The following HYAL1 variants were observed in gnomAD, a reference collection of about 807,000 sequenced individuals.
HYAL1 encodes hyaluronidase 1.
HYAL1 carries 21 observed loss-of-function variants against 28.8 expected under a neutral mutation model. The ratio of observed to expected loss-of-function variants is 0.73; its 90% CI spans 0.52 to 1.05. The LOEUF (loss-of-function observed/expected upper bound fraction) is 1.05, where lower values mean the gene tolerates loss of function less well. HYAL1 is among the 50% of genes least tolerant of loss of function. The pLI, the probability that HYAL1 is intolerant of heterozygous loss-of-function variation, is 0.00. For synonymous variants in HYAL1, 200 were observed against 230.1 expected, an observed-to-expected ratio of 0.87 and a Z score of 1.18; for missense variants, 491 against 579.2, an observed-to-expected ratio of 0.85 and a Z score of 1.56.
upstream of HYAL1, among the ~76,000 whole-genome samples, chr3:50,306,351 G>T (rs372324392): frequency 1.4e-5 from 2 of 146,982 alleles, no homozygotes; most frequent in South Asian, 2.1e-4. Flanking sequence ...GGGAAAATTA[G>T]TTTTTTTTTC....
intron 1 of HYAL1, among the ~76,000 whole-genome samples, chr3:50,310,002 A>C (rs1260973136): frequency 1.3e-5 from 2 of 151,490 alleles, no homozygotes; most frequent in Non-Finnish European, 2.9e-5. Context: ...GCCAAGTATA[A>C]TAAGCAAACA....
upstream of HYAL1, among the ~76,000 whole-genome samples, chr3:50,304,885 G>T (rs1702305269): frequency 6.6e-6 from 1 of 152,186 alleles, no homozygotes; most frequent in African/African-American, 2.4e-5. Context: ...CTGCTGTCTT[G>T]TGAGCATGAG....
In HYAL1 at chr3:50,311,908, C is replaced by CA. The variant is rs587655929; in HGVS notation, c.-310+355_-310+356insT. Among the ~76,000 whole-genome samples, 512 of 148,470 alleles carry CA rather than the reference C, an allele frequency of 3.4e-3. 22 individuals carry two copies. Among genetic ancestry groups the CA allele is most frequent in the African/African-American group, 0.012 (484 of 39,620 alleles). On this transcript the variant is annotated intron_variant, in intron 1 of 5. Transcript: ENST00000320295. ...CCGGGCGGGGGGCTGATCCCCCCTC[C>CA]CCTCACGGATGGGGTGGCTGGCCGG...
chr3:50,309,792 A>T (rs1702410752), intron 1 of HYAL1: 1 of 151,450 alleles, frequency 6.6e-6, no homozygotes, highest in Non-Finnish European at 1.5e-5. Flanking sequence ...TCAAAAAAAA[A>T]AGGATGTCAC....
chr3:50,311,868 G>A (rs587650402), intron 1 of HYAL1, among the ~76,000 whole-genome samples: 8 of 148,546 alleles, frequency 5.4e-5, no homozygotes, highest in East Asian at 4.2e-4. Flanking sequence ...CCTCCCTCCC[G>A]GACGGGGCGG....
chr3:50,300,899 A>C, intron 3 of HYAL1, 89 bp downstream of exon 3: 2 of 1,526,386 alleles, frequency 1.3e-6, no homozygotes, highest in Admixed American at 3.7e-5. Flanking sequence ...AGGACTTTGC[A>C]GGTAGAAAGG....
chr3:50,306,475 C>T (rs1702336724), upstream of HYAL1, among the ~76,000 whole-genome samples: 1 of 151,158 alleles, frequency 6.6e-6, no homozygotes, highest in Non-Finnish European at 1.5e-5. Context: ...TAGCATTTAA[C>T]AACCAGCTGG....
rs587647302 is a variant in HYAL1, at chr3:50,302,602, C to A, written c.355G>T (p.Ala119Ser). The A allele has an allele frequency of 3.7e-6, 6 of 1,614,042 alleles. No individual in the cohort carries two copies. Among genetic ancestry groups the A allele is most frequent in the African/African-American group, 1.3e-5 (1 of 74,928 alleles). Reference sequence around the variant, plus strand: ...ACTGCCAGCCCTGAGAAGTCAGGAGCAGGTATGGCAGCCAGGATGTCCTGG... The same window carrying A: ...ACTGCCAGCCCTGAGAAGTCAGGAGAAGGTATGGCAGCCAGGATGTCCTGG... ...TFQDILAAIP[A>S]PDFSGLAVID... Residue 119 changes from alanine to serine, a missense_variant, in exon 2 of 4, where the codon GCT (alanine) becomes TCT (serine). Ala to Ser is a moderately conservative substitution (Grantham distance 99, BLOSUM62 1). Coordinates refer to ENST00000395144, the MANE Select transcript of HYAL1 (RefSeq NM_033159.4). The surrounding 1 kb of genome is among the most constrained non-coding windows in gnomAD (Gnocchi z 5.0).
intron 2 of HYAL1, among the ~76,000 whole-genome samples, chr3:50,301,490 G>T (rs1232959348): frequency 2.0e-5 from 3 of 152,084 alleles, no homozygotes; most frequent in Non-Finnish European, 4.4e-5. Flanking sequence ...TTGATGGCAT[G>T]CCTGTAATCC....
chr3:50,305,175 C>A (rs1553713804), upstream of HYAL1, among the ~76,000 whole-genome samples: 1 of 152,208 alleles, frequency 6.6e-6, no homozygotes, highest in Admixed American at 6.5e-5. Flanking sequence ...GACCTGGAAG[C>A]CCCCAGTGGG....
chr3:50,302,055 A>C lies in HYAL1; in HGVS notation c.900+2T>G. 6.2e-7 allele frequency: 1 copy of C among 1,614,160 alleles called. No individual in the cohort carries two copies. The highest frequency in any genetic ancestry group is 8.5e-7 in the Non-Finnish European group (1 of 1,180,012). On this transcript the variant is annotated splice_donor_variant, in intron 2 of 3. Coordinates refer to ENST00000395144, the MANE Select transcript of HYAL1 (RefSeq NM_033159.4). LOFTEE classifies it high-confidence loss of function. This position sits in a 1 kb window ranked among gnomAD's most constrained non-coding sequence, Gnocchi z 5.0. ...AAGGTGGGCAGGTTACAGAAGACTC[A>C]CCAGGGGCAGAAAGTGGTTTGTCGT...
intron 1 of HYAL1, among the ~76,000 whole-genome samples, chr3:50,311,681 AC>A (rs1313392830): frequency 3.5e-5 from 4 of 113,768 alleles, no homozygotes; most frequent in African/African-American, 1.4e-4. Flanking sequence ...TGACCCCCCA[AC>A]CTCCCTCCCG....
chr3:50,300,630 G>A lies in HYAL1; in HGVS notation c.1161C>T (p.Phe387=), dbSNP rs1553712481. The A allele has an allele frequency of 1.2e-6, 2 of 1,614,166 alleles. No individual in the cohort carries two copies. Among genetic ancestry groups the A allele is most frequent in the Admixed American group, 1.7e-5 (1 of 60,018 alleles). The part of the protein sequence containing the change: ...KALLLLNPAS[F]SIQLTPGGGP... ...CACCACCAGGCGTGAGCTGGATGGAGAAACTGGCAGGGTTAAGGAGGAGGA... is the reference window on the plus strand; with the variant it reads ...CACCACCAGGCGTGAGCTGGATGGAAAAACTGGCAGGGTTAAGGAGGAGGA... The change falls in exon 4 of 4, where the codon TTC becomes TTT. Residue 387 remains phenylalanine (F), a synonymous_variant. Transcript: ENST00000395144.
In HYAL1 at chr3:50,302,227, G is replaced by A. The variant is rs1553713108; in HGVS notation, c.730C>T (p.Pro244Ser). The change falls in exon 2 of 4, where the codon CCC becomes TCC. Residue 244 changes from proline to serine, a missense_variant. Pro to Ser is a moderately conservative substitution (Grantham distance 74). Coordinates refer to ENST00000395144, the MANE Select transcript of HYAL1 (RefSeq NM_033159.4). The surrounding 1 kb of genome is among the most constrained non-coding windows in gnomAD (Gnocchi z 5.0). ...WLWGQSRALY[P>S]SIYMPAVLEG... ...AGCACTGCGGGCATGTAGATGCTGG[G>A]ATAGAGGGCACGGCTCTGGCCCCAC... 1.2e-6 allele frequency: 2 copies of A among 1,614,122 alleles called. No individual in the cohort carries two copies. Among genetic ancestry groups the A allele is most frequent in the South Asian group, 2.2e-5 (2 of 91,092 alleles).
chr3:50,300,727 G>T lies in HYAL1; in HGVS notation c.1064C>A (p.Ala355Asp). ...GPFILNVTSG[A>D]LLCSQALCSG... The stretch of plus-strand genomic sequence containing the variant: ...GCACAGGGCTTGACTGCAGAGAAGG[G>T]CCCCACTGGTCACGTTCAGGATGAA... The change falls in exon 4 of 4, where the codon GCC becomes GAC. Residue 355 changes from alanine to aspartate, a missense_variant. Physicochemically the swap from Ala to Asp is moderately radical, Grantham distance 126. Coordinates refer to ENST00000395144, the MANE Select transcript of HYAL1 (RefSeq NM_033159.4). 6.2e-7 allele frequency: 1 copy of T among 1,614,064 alleles called. No homozygotes were observed. Among genetic ancestry groups the T allele is most frequent in the Non-Finnish European group, 8.5e-7 (1 of 1,180,000 alleles).
rs1553712581 is a variant in HYAL1, at chr3:50,300,756, C to A, written c.1035G>T (p.Gly345=). 1 of 1,614,006 alleles carries A rather than the reference C, an allele frequency of 6.2e-7. No homozygotes were observed. The highest frequency in any genetic ancestry group is 1.1e-5 in the South Asian group (1 of 91,046). ...CACTGGTCACGTTCAGGATGAAGGGCCCCAGTGTAGTGTCCATATACTCCT... is the reference window on the plus strand; with the variant it reads ...CACTGGTCACGTTCAGGATGAAGGGACCCAGTGTAGTGTCCATATACTCCT... ...AIKEYMDTTL[G]PFILNVTSGA... is the part of the protein sequence containing the mutation. Residue 345 remains glycine (G), a synonymous_variant, in exon 4 of 4, where the codon GGG becomes GGT. Transcript: ENST00000395144.
chr3:50,310,676 T>C (rs1286448728), intron 1 of HYAL1, among the ~76,000 whole-genome samples: 5 of 149,198 alleles, frequency 3.4e-5, no homozygotes, highest in African/African-American at 9.9e-5. Context: ...CACAGGACAA[T>C]AGTGGAGGGA....
intron 1 of HYAL1, among the ~76,000 whole-genome samples, chr3:50,311,103 A>G (rs1350441618): frequency 6.6e-6 from 1 of 151,922 alleles, no homozygotes; most frequent in Non-Finnish European, 1.5e-5. Context: ...CCCGTTCTCA[A>G]TGAGCTGTTG....
chr3:50,302,425 C>T lies in HYAL1; in HGVS notation c.532G>A (p.Ala178Thr). Residue 178 changes from alanine to threonine, a missense_variant, in exon 2 of 4, where the codon GCT becomes ACT. Physicochemically the swap from Ala to Thr is moderately conservative, Grantham distance 58. Transcript: ENST00000395144. The surrounding 1 kb of genome is among the most constrained non-coding windows in gnomAD (Gnocchi z 5.0). ...EAVAQDQFQGAARAWMAGTLQ... is the reference protein window; with the variant it reads ...EAVAQDQFQGTARAWMAGTLQ... ...GTGCCTGCCATCCAGGCCCGTGCAG[C>T]TCCCTGGAACTGGTCCTGGGCTACT... 1.9e-6 allele frequency: 3 copies of T among 1,613,158 alleles called. No individual in the cohort carries two copies. Among genetic ancestry groups the T allele is most frequent in the Non-Finnish European group, 1.7e-6 (2 of 1,179,794 alleles).
Sources: gnomAD v4.1 joint callset for allele counts (sites outside exome capture counted in the v4.1 genomes callset) on GRCh38, gnomAD v4.1.1 for gene constraint, Gnocchi (gnomAD v3.1) non-coding constraint, MANE v1.5 for transcripts, NCBI Gene and HGNC (gene_info 2026-07-23, HGNC 2026-07-21) for gene names.